The following ST6GAL1 variants were observed in gnomAD, a reference collection of about 807,000 sequenced individuals.
ST6GAL1 encodes the protein beta-galactoside alpha-2,6-sialyltransferase 1.
In ST6GAL1, 20 loss-of-function variants were observed where a neutral mutation model predicts 38.0. That is an observed-to-expected ratio of 0.53 (90% CI 0.37 to 0.77). The LOEUF is 0.77. Ranked by LOEUF, ST6GAL1 falls within the 30% of genes least tolerant of loss-of-function variation. The probability of loss-of-function intolerance (pLI) is 0.00; values close to 1 mark genes in which losing one functional copy is unlikely to be tolerated. For missense variants in ST6GAL1, 432 were observed against 496.4 expected, an observed-to-expected ratio of 0.87 and a Z score of 1.23; for synonymous variants, 196 against 188.2, an observed-to-expected ratio of 1.04 and a Z score of -0.34.
intron 1 of ST6GAL1, among the ~76,000 whole-genome samples, chr3:186,951,276 C>T (rs373297466): frequency 2.6e-5 from 4 of 152,092 alleles, no homozygotes; most frequent in Non-Finnish European, 4.4e-5. Flanking sequence ...AGGCTGGTCT[C>T]GAACTCCTGA....
intron 5 of ST6GAL1, among the ~76,000 whole-genome samples, chr3:187,058,722 A>C (rs961250806): frequency 6.6e-6 from 1 of 151,070 alleles, no homozygotes; most frequent in Non-Finnish European, 1.5e-5. Context: ...GCTTACTGCA[A>C]CCTCCTTTTC....
chr3:187,004,692 G>A (rs1489049863), intron 2 of ST6GAL1, among the ~76,000 whole-genome samples: 1 of 152,190 alleles, frequency 6.6e-6, no homozygotes, highest in Non-Finnish European at 1.5e-5. Flanking sequence ...TGAACAACTT[G>A]TACAGTCATA....
intron 5 of ST6GAL1, among the ~76,000 whole-genome samples, chr3:187,065,477 C>T (rs1719070120): frequency 3.9e-5 from 6 of 152,224 alleles, no homozygotes; most frequent in Admixed American, 2.6e-4. Flanking sequence ...GCATGTGACA[C>T]TTCTGTGCCA....
intron 1 of ST6GAL1, among the ~76,000 whole-genome samples, chr3:186,939,803 T>C (rs1197244014): frequency 6.6e-6 from 1 of 152,168 alleles, no homozygotes; most frequent in Admixed American, 6.5e-5. Context: ...CGCCCCATGC[T>C]TGCAAATCTC....
intron 7 of ST6GAL1, among the ~76,000 whole-genome samples, chr3:187,074,561 G>A (rs1216383591): frequency 6.6e-6 from 1 of 152,162 alleles, no homozygotes; most frequent in African/African-American, 2.4e-5. Flanking sequence ...GATGTCTGAG[G>A]CAATATTCAA....
At position 187,078,373 on chromosome 3, in the gene ST6GAL1, CTTCT is replaced by C. The variant is rs1719631779; in HGVS notation, c.*2573_*2576del. 2 of 152,248 alleles carry C rather than the reference CTTCT, an allele frequency of 1.3e-5. No individual in the cohort carries two copies. Among genetic ancestry groups the C allele is most frequent in the South Asian group, 4.2e-4 (2 of 4,818 alleles). The allele number at this position is 152,248 out of a possible 1,614,324, so 9.4% of individuals were successfully genotyped here. A position where few individuals can be genotyped will look rare whatever the true frequency, so the allele number is the denominator to read the frequency against. ...GCTGCCTGTGTCTATGGGGTTCTGT[CTTCT>C]TTGATAGCCATCTATTCATCTGGAT... On this transcript the variant is annotated 3_prime_UTR_variant, in exon 8 of 8. Transcript: ENST00000169298.
At chr3:187,019,809 C>G (rs143164232) in intron 2 of ST6GAL1, among the ~76,000 whole-genome samples, 118 of 152,144 alleles carry the variant, frequency 7.8e-4, no homozygotes, top group African/African-American at 2.5e-3. Flanking sequence ...GTTCTAAGGT[C>G]CAGATGAGGG....
intron 1 of ST6GAL1, among the ~76,000 whole-genome samples, chr3:186,957,783 C>T (rs932444588): frequency 1.3e-5 from 2 of 152,140 alleles, no homozygotes; most frequent in African/African-American, 4.8e-5. Flanking sequence ...TCCTTAAATT[C>T]TGAGAGGCTA....
intron 2 of ST6GAL1, among the ~76,000 whole-genome samples, chr3:187,018,778 C>T (rs576403776): frequency 6.6e-6 from 1 of 152,286 alleles, no homozygotes; most frequent in African/African-American, 2.4e-5. Flanking sequence ...GTTGACACTC[C>T]GTATTAGCCA....
chr3:187,005,912 A>G (rs145399844), intron 2 of ST6GAL1, among the ~76,000 whole-genome samples: 20 of 152,234 alleles, frequency 1.3e-4, no homozygotes, highest in African/African-American at 3.9e-4. Flanking sequence ...CCCTTCAGTA[A>G]CTTGCATGGA....
chr3:187,026,249 T>A (rs1717532131), intron 2 of ST6GAL1, among the ~76,000 whole-genome samples: 1 of 152,242 alleles, frequency 6.6e-6, no homozygotes, highest in Non-Finnish European at 1.5e-5. Flanking sequence ...TTTTGACCCA[T>A]GTTGGTTCCC....
At chr3:187,066,973 C>T (rs1214502478) in intron 5 of ST6GAL1, among the ~76,000 whole-genome samples, 1 of 151,728 alleles carries the variant, frequency 6.6e-6, no homozygotes, top group Non-Finnish European at 1.5e-5. Context: ...GGAGATGTGA[C>T]ATGGTCCATC....
intron 2 of ST6GAL1, among the ~76,000 whole-genome samples, chr3:186,968,810 A>G (rs1715239313): frequency 6.6e-6 from 1 of 152,230 alleles, no homozygotes; most frequent in African/African-American, 2.4e-5. Context: ...ATTTGTGGAA[A>G]AAAATGTTGT....
At position 187,067,081 on chromosome 3, in the gene ST6GAL1, C is replaced by CTTTTTTTTTT. The variant is rs763013682; in HGVS notation, c.706-5751_706-5742dup. On this transcript the variant is annotated intron_variant, in intron 5 of 7. Transcript: ENST00000169298. ...GCAATCTTCTTTTCTTTCTTTCTTT[C>CTTTTTTTTTT]TTTTTTTTTTTTTTTTTTTTTTTTT... 7.0e-4 allele frequency among the ~76,000 whole-genome samples: 65 copies of CTTTTTTTTTT among 93,066 alleles called. 6 individuals are homozygous for CTTTTTTTTTT. Among genetic ancestry groups the CTTTTTTTTTT allele is most frequent in the Non-Finnish European group, 8.9e-4 (43 of 48,472 alleles). The allele number at this position is 93,066 out of a possible 152,430, so 61.1% of individuals were successfully genotyped here.
chr3:186,961,526 C>T (rs192562791), intron 1 of ST6GAL1, among the ~76,000 whole-genome samples: 1 of 152,268 alleles, frequency 6.6e-6, no homozygotes, highest in Admixed American at 6.5e-5. Context: ...GGTAGAATGA[C>T]TTGCCTAAAT....
intron 5 of ST6GAL1, among the ~76,000 whole-genome samples, chr3:187,070,268 A>G (rs1471789479): frequency 6.6e-6 from 1 of 152,088 alleles, no homozygotes; most frequent in Non-Finnish European, 1.5e-5. Flanking sequence ...TGGTCAAGGA[A>G]GAAATAGCGA....
rs113832633 is a variant in ST6GAL1 at position 186,931,582 on chromosome 3, T to C, written c.-325+748T>C. On this transcript the variant is annotated intron_variant, in intron 1 of 7. Transcript: ENST00000169298. Reference sequence around the variant, plus strand: ...AGAGATGTGGGTTGGGTTAAGGGTCTAAGGGTGCCCCTCAAAAAAAGAGAG... The same window carrying C: ...AGAGATGTGGGTTGGGTTAAGGGTCCAAGGGTGCCCCTCAAAAAAAGAGAG... Among the ~76,000 whole-genome samples, 1,339 of 152,334 alleles carry C rather than the reference T, an allele frequency of 8.8e-3. 22 individuals carry two copies. The highest frequency in any genetic ancestry group is 0.031 in the African/African-American group (1,291 of 41,582).
rs368620142 is a variant in ST6GAL1 at position 187,073,554 on chromosome 3, T to C, written c.805-605T>C. On this transcript the variant is annotated intron_variant, in intron 6 of 7. Coordinates refer to ENST00000169298, the MANE Select transcript of ST6GAL1 (RefSeq NM_173216.2). ...GATTCTAACCTCTCTGGAATAGTCC[T>C]CTCACTGTTAATGCATGTCAGTTGA... The C allele has an allele frequency of 3.9e-5, 6 of 155,720 alleles. 1 individual carries two copies. Among genetic ancestry groups the C allele is most frequent in the Admixed American group, 2.5e-4 (4 of 15,848 alleles). The allele number at this position is 155,720 out of a possible 1,614,324, so 9.6% of individuals were successfully genotyped here.
intron 1 of ST6GAL1, among the ~76,000 whole-genome samples, chr3:186,941,316 G>A (rs1714163349): frequency 6.6e-6 from 1 of 152,160 alleles, no homozygotes; most frequent in Non-Finnish European, 1.5e-5. Flanking sequence ...AATTGTTACA[G>A]TTATATTGTA....
Sources: gnomAD v4.1 joint callset for allele counts (sites outside exome capture counted in the v4.1 genomes callset) on GRCh38, gnomAD v4.1.1 for gene constraint, MANE v1.5 for transcripts, NCBI Gene and HGNC (gene_info 2026-07-23, HGNC 2026-07-21) for gene names.